The following SASH1 variants were observed in gnomAD, a reference collection of about 807,000 sequenced individuals.
SASH1 encodes the protein SAM and SH3 domain-containing protein 1.
In SASH1, 44 loss-of-function variants were observed where a neutral mutation model predicts 125.2. That is an observed-to-expected ratio of 0.35 (90% CI 0.28 to 0.45). The LOEUF (loss-of-function observed/expected upper bound fraction) is 0.45, where lower values mean the gene tolerates loss of function less well. Ranked by LOEUF, SASH1 falls within the 20% of genes least tolerant of loss-of-function variation. The probability of loss-of-function intolerance (pLI) is 1.00; values close to 1 mark genes in which losing one functional copy is unlikely to be tolerated. For synonymous variants in SASH1, 639 were observed against 649.1 expected, an observed-to-expected ratio of 0.98 and a Z score of 0.24; for missense variants, 1,426 against 1,614.5, an observed-to-expected ratio of 0.88 and a Z score of 2.00.
chr6:148,314,103 G>T (rs543144144), intron 1 of SASH1, among the ~76,000 whole-genome samples: 1 of 152,164 alleles, frequency 6.6e-6, no homozygotes, highest in South Asian at 2.1e-4. Context: ...TAGCCCAAGC[G>T]ACACTGGGAG....
In SASH1 at chr6:148,544,564, C is replaced by T. The variant is rs1349958754; in HGVS notation, c.3094C>T (p.Pro1032Ser). 9 of 1,613,352 alleles carry T rather than the reference C, an allele frequency of 5.6e-6. No individual in the cohort carries two copies. Among genetic ancestry groups the T allele is most frequent in the Admixed American group, 1.7e-5 (1 of 60,026 alleles). The change falls in exon 18 of 20, where the codon CCT becomes TCT. Residue 1032 changes from proline (P) to serine (S), a missense_variant. By Grantham distance (74) the Pro-to-Ser change is moderately conservative. This residue lies in a region of SASH1 where 634 missense variants were observed against 694.4 expected (regional missense o/e 0.91). Coordinates refer to ENST00000367467, the MANE Select transcript of SASH1 (RefSeq NM_015278.5). This position sits in a 1 kb window ranked among gnomAD's most constrained non-coding sequence, Gnocchi z 6.4. ...KRGSPASPTS[P>S]SDCPPALAPR... is the part of the protein sequence containing the mutation. ...GGGCAGCCCCGCCAGCCCCACCAGC[C>T]CTAGCGACTGTCCCCCAGCACTGGC...
chr6:148,276,622 A>G (rs914936759), intron 1 of SASH1, among the ~76,000 whole-genome samples: 1 of 152,230 alleles, frequency 6.6e-6, no homozygotes, highest in Non-Finnish European at 1.5e-5. Flanking sequence ...AGCTGAGGGC[A>G]GGTAGTAGCA....
intron 2 of SASH1, among the ~76,000 whole-genome samples, chr6:148,394,140 G>A (rs112945575): frequency 0.012 from 1,775 of 152,072 alleles, 35 homozygotes; most frequent in African/African-American, 0.041. Flanking sequence ...TGATCCTCCC[G>A]GCTTGGCCTC....
At chr6:148,231,358 A>G in the SASH1 span, among the ~76,000 whole-genome samples, 2 of 152,152 alleles carry the variant, frequency 1.3e-5, no homozygotes, top group African/African-American at 2.4e-5. Context: ...TGCCAGTTCC[A>G]TGCTGTCTTG....
In SASH1 at chr6:148,535,298, TAC is replaced by T. The variant is rs1176941473; in HGVS notation, c.2095+399_2095+400del. On this transcript the variant is annotated intron_variant, in intron 16 of 19. Transcript: ENST00000367467. ...CACCAAGTGTCTGCAAGAATGGAAT[TAC>T]AGTTTTCCCAAAAAAATGGGTAGAC... 1.1e-4 allele frequency among the ~76,000 whole-genome samples: 17 copies of T among 152,312 alleles called. 1 individual carries two copies. The South Asian group carries it at 3.3e-3, about 30-fold the overall frequency.
chr6:148,374,704 T>TG (rs369754560), intron 1 of SASH1, among the ~76,000 whole-genome samples: 4,490 of 125,356 alleles, frequency 0.036, 155 homozygotes, highest in East Asian at 0.17. Flanking sequence ...GCATTTTTTT[T>TG]GGGGGGGGGG....
At chr6:148,433,248 G>A (rs1264873821) in intron 2 of SASH1, among the ~76,000 whole-genome samples, 1 of 151,894 alleles carries the variant, frequency 6.6e-6, no homozygotes, top group Non-Finnish European at 1.5e-5. Context: ...TACTATAGCG[G>A]AGCCTCTTTT....
At chr6:148,331,275 A>G (rs1780988778) in intron 1 of SASH1, among the ~76,000 whole-genome samples, 1 of 152,222 alleles carries the variant, frequency 6.6e-6, no homozygotes, top group Non-Finnish European at 1.5e-5. Context: ...ATAATAAAAT[A>G]AATACCTGTT....
chr6:148,368,898 T>C (rs1182550077), intron 1 of SASH1, among the ~76,000 whole-genome samples: 1 of 152,182 alleles, frequency 6.6e-6, no homozygotes, highest in African/African-American at 2.4e-5. Flanking sequence ...TTTTACAAAC[T>C]TGATCAAATG....
intron 1 of SASH1, among the ~76,000 whole-genome samples, chr6:148,374,706 G>C (rs537263536): frequency 1.9e-5 from 2 of 104,120 alleles, no homozygotes; most frequent in African/African-American, 8.7e-5. Flanking sequence ...ATTTTTTTTG[G>C]GGGGGGGGGA....
chr6:148,476,125 G>A lies in SASH1; in HGVS notation c.627+1903G>A, dbSNP rs185390762. Among the ~76,000 whole-genome samples the A allele has an allele frequency of 1.4e-3, 208 of 152,134 alleles. 2 individuals carry two copies. Among genetic ancestry groups the A allele is most frequent in the South Asian group, 0.011 (55 of 4,820 alleles). On this transcript the variant is annotated intron_variant, in intron 7 of 19. Transcript: ENST00000367467. ...AATCAACACATACATTTCTGTGTAT[G>A]TGTTCAGCAACAAATACTCTGAAAA...
At chr6:148,465,498 G>A (rs918531125) in intron 4 of SASH1, among the ~76,000 whole-genome samples, 3 of 149,588 alleles carry the variant, frequency 2.0e-5, no homozygotes, top group East Asian at 2.0e-4. Flanking sequence ...AGCCGAGATC[G>A]CATCACTGTA....
chr6:148,305,156 C>G (rs1780091520), intron 1 of SASH1, among the ~76,000 whole-genome samples: 1 of 152,202 alleles, frequency 6.6e-6, no homozygotes, highest in African/African-American at 2.4e-5. Context: ...TCCAGAGTTT[C>G]TTTCTCATTA....
chr6:148,204,389 T>G, the SASH1 span, among the ~76,000 whole-genome samples: 1 of 151,390 alleles, frequency 6.6e-6, no homozygotes, highest in Non-Finnish European at 1.5e-5. Flanking sequence ...AAGTTGGAGG[T>G]TTTTGAAAGA....
chr6:148,235,259 T>C, the SASH1 span, among the ~76,000 whole-genome samples: 1 of 152,206 alleles, frequency 6.6e-6, no homozygotes, highest in Non-Finnish European at 1.5e-5. Context: ...CAGCCCCTGA[T>C]TGCTGACCTT....
chr6:148,527,471 G>T lies in SASH1; in HGVS notation c.1303G>T (p.Val435Leu). The change falls in exon 12 of 20, where the codon GTG (valine) becomes TTG (leucine). Residue 435 changes from valine (V) to leucine (L), a missense_variant. Transcript: ENST00000367467. ...SDPMGKEGDF[V>L]YKEVIKSPTA... ...TTTACAGGGTAAAGAAGGAGACTTT[G>T]TGTACAAAGAAGTCATCAAATCACC... 6.2e-7 allele frequency: 1 copy of T among 1,601,016 alleles called. No homozygotes were observed.
chr6:148,532,668 G>C lies in SASH1; in HGVS notation c.1565-129G>C. 9.3e-7 allele frequency: 1 copy of C among 1,076,140 alleles called. No homozygotes were observed. Among genetic ancestry groups the C allele is most frequent in the African/African-American group, 1.6e-5 (1 of 64,348 alleles). The allele number at this position is 1,076,140 out of a possible 1,614,324, so 66.7% of individuals were successfully genotyped here. ...ACTGGGCCCTGCCCTGGTCCTGACA[G>C]AGGGTTGTGGCTCAAGGCTTCCTTT... On this transcript the variant is annotated intron_variant, in intron 13 of 19. Transcript: ENST00000367467. The surrounding 1 kb of genome is among the most constrained non-coding windows in gnomAD (Gnocchi z 4.7).
chr6:148,549,619 G>A lies in SASH1; in HGVS notation c.*1061G>A, dbSNP rs1289392780. 1 of 398,834 alleles carries A rather than the reference G, an allele frequency of 2.5e-6. No homozygotes were observed. Among genetic ancestry groups the A allele is most frequent in the Non-Finnish European group, 4.4e-6 (1 of 226,046 alleles). 24.7% of individuals were successfully genotyped at this position (398,834 alleles called of 1,614,324 possible). A position where few individuals can be genotyped will look rare whatever the true frequency, so the allele number is the denominator to read the frequency against. The stretch of plus-strand genomic sequence containing the variant: ...TTTCAGAAAGATGTCCTTAATAAGG[G>A]AAGTCATGTATAAGATGTTTTCTAA... On this transcript the variant is annotated 3_prime_UTR_variant, in exon 20 of 20. Transcript: ENST00000367467.
chr6:148,210,151 G>C, the SASH1 span, among the ~76,000 whole-genome samples: 1 of 152,204 alleles, frequency 6.6e-6, no homozygotes, highest in Non-Finnish European at 1.5e-5. Flanking sequence ...CAAGCCAACT[G>C]TGTCACCAGG....
Sources: gnomAD v4.1 joint callset for allele counts (sites outside exome capture counted in the v4.1 genomes callset) on GRCh38, gnomAD v4.1.1 for gene constraint, gnomAD v4.1.1 regional missense constraint, Gnocchi (gnomAD v3.1) non-coding constraint, MANE v1.5 for transcripts, NCBI Gene and HGNC (gene_info 2026-07-23, HGNC 2026-07-21) for gene names.